RYR3: variants seen among roughly 807,000 people sequenced by gnomAD.
RYR3 encodes the protein ryanodine receptor 3.
In RYR3, 207 loss-of-function variants were observed where a neutral mutation model predicts 584.3. That is an observed-to-expected ratio of 0.35 (90% CI 0.32 to 0.40). RYR3 has a LOEUF of 0.40. Among genes scored for constraint, RYR3 ranks in the 10% least tolerant of loss-of-function variants. The pLI is 1.00. For missense variants in RYR3, 5,616 were observed against 6,089.2 expected (o/e 0.92, Z 2.59); for synonymous variants, 2,416 against 2,248.5 (o/e 1.07, Z -2.11).
intron 12 of RYR3, among the ~76,000 whole-genome samples, chr15:33,578,115 T>A (rs2058392987): frequency 6.6e-6 from 1 of 152,200 alleles, no homozygotes; most frequent in Non-Finnish European, 1.5e-5. Flanking sequence ...CAACAGATGC[T>A]GGCGAGGCTG....
At chr15:33,351,919 G>A (rs1016795111) in intron 1 of RYR3, among the ~76,000 whole-genome samples, 1 of 151,458 alleles carries the variant, frequency 6.6e-6, no homozygotes, top group African/African-American at 2.4e-5. Context: ...GGGCGATTAG[G>A]CAGGAGAAGG....
intron 1 of RYR3, among the ~76,000 whole-genome samples, chr15:33,405,407 A>G (rs1229502984): frequency 1.3e-5 from 2 of 152,172 alleles, no homozygotes; most frequent in African/African-American, 4.8e-5. Context: ...TATATGGCCA[A>G]GATTCTAGGC....
chr15:33,731,649 A>T lies in RYR3; in HGVS notation c.7379A>T (p.Lys2460Ile), dbSNP rs760398783. ...YRLSKGRSLT[K>I]AQRDTIEECL... ...CTATCCAAGGGACGTTCCCTCACCAAAGCACAAAGGGACACTATAGAAGAA... is the reference window on the plus strand; with the variant it reads ...CTATCCAAGGGACGTTCCCTCACCATAGCACAAAGGGACACTATAGAAGAA... The change falls in exon 48 of 104, where the codon AAA (lysine) becomes ATA (isoleucine). Residue 2460 changes from lysine (K) to isoleucine (I), a missense_variant. This residue lies in a region of RYR3 where 1,280 missense variants were observed against 1,426.2 expected (regional missense o/e 0.90). Transcript: ENST00000634891. The T allele has an allele frequency of 6.2e-7, 1 of 1,613,574 alleles. No homozygotes were observed. The highest frequency in any genetic ancestry group is 2.2e-5 in the East Asian group (1 of 44,878).
At chr15:33,383,033 A>G (rs1347648897) in intron 1 of RYR3, among the ~76,000 whole-genome samples, 1 of 152,080 alleles carries the variant, frequency 6.6e-6, no homozygotes. Context: ...AAAACAATGT[A>G]ATCATATTTC....
chr15:33,468,653 A>G (rs767870980), intron 1 of RYR3, among the ~76,000 whole-genome samples: 2 of 152,248 alleles, frequency 1.3e-5, no homozygotes, highest in Non-Finnish European at 2.9e-5. Flanking sequence ...ATGGGAAAGC[A>G]GAAGTTTTCT....
chr15:33,810,845 G>A lies in RYR3; in HGVS notation c.10198-133G>A, dbSNP rs532006665. On this transcript the variant is annotated intron_variant, in intron 71 of 103. Transcript: ENST00000634891. ...TGTGTGCCCTTTGGGACAAATCTCC[G>A]GAATATTTTTTCTTTTGTTCTTCTG... 3.0e-5 allele frequency: 33 copies of A among 1,091,048 alleles called. No individual in the cohort carries two copies. In the South Asian group the frequency reaches 3.8e-4, roughly 13 times the overall value. 67.6% of individuals were successfully genotyped at this position (1,091,048 alleles called of 1,614,324 possible).
intron 1 of RYR3, among the ~76,000 whole-genome samples, chr15:33,336,725 C>A (rs1446446171): frequency 6.6e-6 from 1 of 151,524 alleles, no homozygotes; most frequent in Non-Finnish European, 1.5e-5. Flanking sequence ...TCTAAGAATG[C>A]CTGTGACGTT....
In RYR3 at chr15:33,748,508, T is replaced by C; in HGVS notation, c.8177T>C (p.Val2726Ala). 6.2e-7 allele frequency: 1 copy of C among 1,613,228 alleles called. No individual in the cohort carries two copies. The highest frequency in any genetic ancestry group is 8.5e-7 in the Non-Finnish European group (1 of 1,179,680). The change falls in exon 55 of 104, where the codon GTT (valine) becomes GCT (alanine). Residue 2726 changes from valine to alanine, a missense_variant. Transcript: ENST00000634891. ...YSPAPLDLSNVVLSRELQGMV... is the reference protein window; with the variant it reads ...YSPAPLDLSNAVLSRELQGMV... ...CCTGCTCCCCTCGACCTCTCAAACG[T>C]TGTGCTCTCCAGAGAGCTCCAGGTC...
chr15:33,388,375 A>T (rs924960882), intron 1 of RYR3, among the ~76,000 whole-genome samples: 1 of 152,220 alleles, frequency 6.6e-6, no homozygotes. Flanking sequence ...TCAACCCAAT[A>T]GAGTAAGGAA....
chr15:33,475,526 CAGG>C (rs1303016787), intron 2 of RYR3, among the ~76,000 whole-genome samples: 1 of 152,172 alleles, frequency 6.6e-6, no homozygotes, highest in Non-Finnish European at 1.5e-5. Flanking sequence ...ACTGATCTGA[CAGG>C]AGGCAAAGCT....
At chr15:33,348,124 T>G (rs1288623895) in intron 1 of RYR3, among the ~76,000 whole-genome samples, 1 of 152,216 alleles carries the variant, frequency 6.6e-6, no homozygotes, top group Non-Finnish European at 1.5e-5. Context: ...TGGATTATTC[T>G]GGCCTTCTCC....
chr15:33,865,287 TTTTTACAGTTCTGCAACA>T lies in RYR3; in HGVS notation c.*63_*80del. The T allele has an allele frequency of 1.7e-6, 2 of 1,192,490 alleles. No homozygotes were observed. Among genetic ancestry groups the T allele is most frequent in the Non-Finnish European group, 2.5e-6 (2 of 811,950 alleles). The allele number at this position is 1,192,490 out of a possible 1,614,324, so 73.9% of individuals were successfully genotyped here. A position where few individuals can be genotyped will look rare whatever the true frequency, so the allele number is the denominator to read the frequency against. ...CAACTTCCCATGAAATAAAGTCCCC[TTTTTACAGTTCTGCAACA>T]TATCTGAAATGTGACATTTTCTAAA... On this transcript the variant is annotated 3_prime_UTR_variant, in exon 104 of 104. Transcript: ENST00000634891.
chr15:33,368,506 T>G (rs1392680494), intron 1 of RYR3, among the ~76,000 whole-genome samples: 5 of 152,096 alleles, frequency 3.3e-5, no homozygotes, highest in Non-Finnish European at 7.4e-5. Flanking sequence ...ACCTTGGCTT[T>G]GCCTTTGTGA....
intron 1 of RYR3, among the ~76,000 whole-genome samples, chr15:33,339,872 G>A (rs191015256): frequency 3.3e-4 from 46 of 137,772 alleles, no homozygotes; most frequent in African/African-American, 1.2e-3. Flanking sequence ...CTGGGCGACA[G>A]AGCAAGACTC....
At chr15:33,443,356 T>G (rs2046379922) in intron 1 of RYR3, among the ~76,000 whole-genome samples, 1 of 151,952 alleles carries the variant, frequency 6.6e-6, no homozygotes, top group Admixed American at 6.6e-5. Context: ...AATTGAAAGA[T>G]CAGTGTGCCC....
At chr15:33,667,027 T>A (rs958183052) in intron 36 of RYR3, among the ~76,000 whole-genome samples, 1 of 152,262 alleles carries the variant, frequency 6.6e-6, no homozygotes, top group African/African-American at 2.4e-5. Flanking sequence ...TTACTGTAAT[T>A]TAACCTCACA....
intron 67 of RYR3, among the ~76,000 whole-genome samples, chr15:33,794,348 A>ACATATATAACATATATATATGT (rs369625654): frequency 0.2 from 10,157 of 51,768 alleles, no homozygotes; most frequent in East Asian, 0.47. Context: ...TATATATAAA[A>ACATATATAACATATATATATGT]ATATATATAT....
intron 1 of RYR3, among the ~76,000 whole-genome samples, chr15:33,373,678 T>C (rs1219902760): frequency 6.6e-6 from 1 of 152,210 alleles, no homozygotes; most frequent in African/African-American, 2.4e-5. Context: ...GATTTTTATG[T>C]TCTGATGTGT....
intron 3 of RYR3, among the ~76,000 whole-genome samples, chr15:33,522,155 C>T (rs894099683): frequency 2.0e-5 from 3 of 151,072 alleles, no homozygotes; most frequent in Admixed American, 2.0e-4. Context: ...CCTAGCTACC[C>T]AGGAGGCTGA....
Sources: gnomAD v4.1 joint callset for allele counts (sites outside exome capture counted in the v4.1 genomes callset) on GRCh38, gnomAD v4.1.1 for gene constraint, gnomAD v4.1.1 regional missense constraint, MANE v1.5 for transcripts, NCBI Gene and HGNC (gene_info 2026-07-23, HGNC 2026-07-21) for gene names.